The following PAN3 variants were observed in gnomAD, a reference collection of about 807,000 sequenced individuals.
PAN3 encodes PAN2-PAN3 deadenylation complex subunit PAN3.
A neutral mutation model predicts 96.2 loss-of-function variants in PAN3; 19 were observed. The observed-to-expected ratio is 0.20, with a 90% CI of 0.14 to 0.29. PAN3 has a LOEUF of 0.29. Ranked by LOEUF, PAN3 falls within the 10% of genes least tolerant of loss-of-function variation. The pLI is 1.00. For synonymous variants in PAN3, 433 were observed against 406.6 expected (o/e 1.06, Z -0.78); for missense variants, 882 against 1,108.1 (o/e 0.80, Z 2.90).
chr13:28,275,077 G>C (rs766479821), intron 14 of PAN3, among the ~76,000 whole-genome samples: 20 of 152,290 alleles, frequency 1.3e-4, no homozygotes, highest in Admixed American at 7.8e-4. Context: ...GGGGAAACCA[G>C]ATGGAGGTAA....
rs181424750 is a variant in PAN3 at position 28,222,620 on chromosome 13, A to G, written c.1000+2242A>G. Reference sequence around the variant, plus strand: ...AAATATTTAAGTCTGCCTTTCGGAAAAACCATTGTACTCTCAGTGTCTTCC... The same window carrying G: ...AAATATTTAAGTCTGCCTTTCGGAAGAACCATTGTACTCTCAGTGTCTTCC... On this transcript the variant is annotated intron_variant, in intron 6 of 18. Transcript: ENST00000380958. Among the ~76,000 whole-genome samples the G allele has an allele frequency of 2.1e-3, 323 of 152,298 alleles. 1 individual carries two copies. Among genetic ancestry groups the G allele is most frequent in the African/African-American group, 7.4e-3 (308 of 41,570 alleles).
chr13:28,251,222 C>G (rs887883545), intron 6 of PAN3, among the ~76,000 whole-genome samples: 2 of 152,150 alleles, frequency 1.3e-5, no homozygotes, highest in African/African-American at 2.4e-5. Flanking sequence ...TATTCTTAAT[C>G]ACCTCCGTAG....
chr13:28,190,817 G>A (rs1029393485), intron 4 of PAN3, among the ~76,000 whole-genome samples: 1 of 152,098 alleles, frequency 6.6e-6, no homozygotes, highest in Non-Finnish European at 1.5e-5. Flanking sequence ...TAACACATGG[G>A]CATTATTAAT....
At chr13:28,287,368 C>T (rs75936613) in intron 17 of PAN3, among the ~76,000 whole-genome samples, 6 of 152,148 alleles carry the variant, frequency 3.9e-5, no homozygotes, top group Admixed American at 2.0e-4. Flanking sequence ...ATCAGCCAGG[C>T]GCGGCCCTAG....
intron 6 of PAN3, among the ~76,000 whole-genome samples, chr13:28,241,352 T>C (rs926163132): frequency 1.3e-5 from 2 of 152,198 alleles, no homozygotes; most frequent in Non-Finnish European, 2.9e-5. Context: ...AGCTTGGGAA[T>C]TTTTTTGACT....
chr13:28,142,276 G>C (rs958112198), intron 1 of PAN3, among the ~76,000 whole-genome samples: 1 of 152,132 alleles, frequency 6.6e-6, no homozygotes, highest in African/African-American at 2.4e-5. Context: ...TCATTTTTTA[G>C]ACTGCTTTCT....
chr13:28,151,514 CA>C (rs34007586), intron 1 of PAN3, among the ~76,000 whole-genome samples: 8,793 of 132,796 alleles, frequency 0.066, 317 homozygotes, highest in South Asian at 0.16. Flanking sequence ...GACTCTGTCT[CA>C]AAAAAAAAAA....
chr13:28,270,798 C>T lies in PAN3; in HGVS notation c.1890C>T (p.Thr630=), dbSNP rs750865135. The stretch of plus-strand genomic sequence containing the variant: ...TCCAACTAAGTTCTGCATTGCGTAC[C>T]ATTCATACAGCAGGTTTGGCATGTC... ...YIVQLSSALR[T]IHTAGLACRV... The change falls in exon 13 of 19, where the codon ACC becomes ACT. Residue 630 remains threonine (T), a synonymous_variant. Coordinates refer to ENST00000380958, the MANE Select transcript of PAN3 (RefSeq NM_175854.8). 2 of 1,613,908 alleles carry T rather than the reference C, an allele frequency of 1.2e-6. No individual in the cohort carries two copies. The highest frequency in any genetic ancestry group is 2.2e-5 in the South Asian group (2 of 91,074).
intron 6 of PAN3, among the ~76,000 whole-genome samples, chr13:28,244,496 G>A (rs1462879028): frequency 6.6e-6 from 1 of 152,052 alleles, no homozygotes; most frequent in African/African-American, 2.4e-5. Flanking sequence ...TTATTGAGCA[G>A]GTCATCTCCT....
At chr13:28,162,186 A>G (rs1464369709) in intron 1 of PAN3, among the ~76,000 whole-genome samples, 5 of 152,224 alleles carry the variant, frequency 3.3e-5, no homozygotes, top group African/African-American at 9.6e-5. Flanking sequence ...ACTTAAGTAT[A>G]CTGTTGAAGG....
rs1398256899 is a variant in PAN3, at chr13:28,295,217, A to G, written c.*2695A>G. On this transcript the variant is annotated 3_prime_UTR_variant, in exon 19 of 19. Transcript: ENST00000380958. ...TGATTTGGATGTCAACAACTTCCCT[A>G]AAAAGCACCAGTGTGTTAGGTTCTA... The G allele has an allele frequency of 6.6e-6, 1 of 152,202 alleles. No individual in the cohort carries two copies. The highest frequency in any genetic ancestry group is 1.5e-5 in the Non-Finnish European group (1 of 68,036). The allele number at this position is 152,202 out of a possible 1,614,324, so 9.4% of individuals were successfully genotyped here. A position where few individuals can be genotyped will look rare whatever the true frequency, so the allele number is the denominator to read the frequency against.
At chr13:28,148,908 T>C (rs1382116169) in intron 1 of PAN3, among the ~76,000 whole-genome samples, 1 of 152,186 alleles carries the variant, frequency 6.6e-6, no homozygotes, top group Non-Finnish European at 1.5e-5. Flanking sequence ...GATATTTTAG[T>C]GGTTTATAGT....
At chr13:28,204,293 G>T (rs1479149940) in intron 5 of PAN3, among the ~76,000 whole-genome samples, 1 of 152,166 alleles carries the variant, frequency 6.6e-6, no homozygotes, top group Non-Finnish European at 1.5e-5. Context: ...CTGTCACTTT[G>T]CCTGACCAAT....
At chr13:28,171,444 C>T (rs571894857) in intron 1 of PAN3, among the ~76,000 whole-genome samples, 4 of 152,304 alleles carry the variant, frequency 2.6e-5, no homozygotes, top group African/African-American at 9.6e-5. Flanking sequence ...TCACGCAAGA[C>T]TGCTCTCCAC....
intron 6 of PAN3, among the ~76,000 whole-genome samples, chr13:28,254,494 T>TA (rs1297981910): frequency 6.6e-6 from 1 of 152,202 alleles, no homozygotes; most frequent in Admixed American, 6.5e-5. Context: ...TGGAAAGTCT[T>TA]AGAGACTAGC....
intron 9 of PAN3, among the ~76,000 whole-genome samples, chr13:28,264,674 T>G (rs1280361364): frequency 6.6e-6 from 1 of 152,192 alleles, no homozygotes; most frequent in East Asian, 1.9e-4. Flanking sequence ...CCTACTATCC[T>G]TGGGAATTGC....
intron 1 of PAN3, among the ~76,000 whole-genome samples, chr13:28,165,913 T>C (rs1344412308): frequency 6.6e-6 from 1 of 152,162 alleles, no homozygotes; most frequent in Non-Finnish European, 1.5e-5. Flanking sequence ...TCCACCCTCA[T>C]GACTTAATCA....
chr13:28,194,348 T>G (rs1877702612), intron 4 of PAN3, among the ~76,000 whole-genome samples: 1 of 151,224 alleles, frequency 6.6e-6, no homozygotes, highest in South Asian at 2.1e-4. Context: ...TGAACTTTCC[T>G]GATAGAACAA....
At chr13:28,187,431 A>G (rs539742189) in intron 4 of PAN3, among the ~76,000 whole-genome samples, 2 of 152,338 alleles carry the variant, frequency 1.3e-5, no homozygotes, top group Non-Finnish European at 2.9e-5. Flanking sequence ...CTAAAGCACA[A>G]GGATATAAGA....
Sources: gnomAD v4.1 joint callset for allele counts (sites outside exome capture counted in the v4.1 genomes callset) on GRCh38, gnomAD v4.1.1 for gene constraint, MANE v1.5 for transcripts, NCBI Gene and HGNC (gene_info 2026-07-23, HGNC 2026-07-21) for gene names.